The following MYH11 variants were observed in gnomAD, a reference collection of about 807,000 sequenced individuals.
The protein encoded by MYH11 is myosin-11.
MYH11 carries 80 observed loss-of-function variants against 246.6 expected under a neutral mutation model. The observed-to-expected ratio is 0.32, with a 90% confidence interval of 0.27 to 0.39. The LOEUF (loss-of-function observed/expected upper bound fraction) is 0.39, where lower values mean the gene tolerates loss of function less well. MYH11 is among the 10% of genes least tolerant of loss of function. The pLI, the probability that MYH11 is intolerant of heterozygous loss-of-function variation, is 1.00. For synonymous variants in MYH11, 1,071 were observed against 1,015.5 expected (o/e 1.05, Z -1.04); for missense variants, 2,158 against 2,546.8 (o/e 0.85, Z 3.29).
chr16:15,747,791 C>G, intron 18 of MYH11, 61 bp from the exon 19 acceptor site: 1 of 1,612,794 alleles, frequency 6.2e-7, no homozygotes, highest in Non-Finnish European at 8.5e-7. Flanking sequence ...CCAGTGATGA[C>G]ATGGGTAAGA....
rs775577319 is a variant in MYH11, at chr16:15,778,817, G to A, written c.753C>T (p.Asp251=). Residue 251 remains aspartate (D), a synonymous_variant, in exon 7 of 41, where the codon GAC becomes GAT. Coordinates refer to ENST00000300036, the MANE Select transcript of MYH11 (RefSeq NM_002474.3). ...RFGKFIRINF[D]VTGYIVGANI... ...TGGCTCCCACGATGTAACCCGTGAC[G>A]TCGAAGTTGATGCGGATGAATTTGC... 5.0e-6 allele frequency: 8 copies of A among 1,613,990 alleles called. 1 individual carries two copies. The highest frequency in any genetic ancestry group is 4.5e-5 in the East Asian group (2 of 44,870).
chr16:15,801,499 A>T lies in MYH11; in HGVS notation c.503-2812T>A, dbSNP rs749348851. Among the ~76,000 whole-genome samples the T allele has an allele frequency of 3.3e-4, 50 of 150,394 alleles. 1 individual carries two copies. Among genetic ancestry groups the T allele is most frequent in the African/African-American group, 9.9e-4 (40 of 40,246 alleles). On this transcript the variant is annotated intron_variant, in intron 3 of 40. Transcript: ENST00000300036. ...AGCAAGACCCAGTCTCTACAAAAAA[A>T]AATTTTTTTTTAATTAGCTATGTGT...
intron 31 of MYH11, 108 bp from the exon 32 acceptor site, chr16:15,721,742 G>A: frequency 2.6e-6 from 3 of 1,157,450 alleles, no homozygotes; most frequent in Non-Finnish European, 2.6e-6. Context: ...TTGAGGTGCA[G>A]GTGTAAGCAG....
At chr16:15,714,014 G>A (rs2039972674) in intron 40 of MYH11, 1 of 152,336 alleles carries the variant, frequency 6.6e-6, no homozygotes, top group Non-Finnish European at 1.5e-5. Flanking sequence ...GCTCCTAGGA[G>A]TACTGGTTGG....
intron 4 of MYH11, 126 bp downstream of exon 4, chr16:15,798,534 T>C: frequency 9.9e-7 from 1 of 1,006,408 alleles, no homozygotes. Context: ...GAGAGGCACT[T>C]GGAACCATGA....
chr16:15,812,549 TCTAAA>T (rs1815130050), intron 3 of MYH11, among the ~76,000 whole-genome samples: 2 of 57,866 alleles, frequency 3.5e-5, no homozygotes, highest in Admixed American at 2.6e-4. Flanking sequence ...AGATCTTATC[TCTAAA>T]AAAAAAAAAA....
intron 29 of MYH11, 29 bp from the exon 30 acceptor site, chr16:15,724,828 G>A (rs748989704): frequency 2.0e-5 from 32 of 1,613,534 alleles, no homozygotes; most frequent in Non-Finnish European, 2.6e-5. Context: ...GAGGTCCCAG[G>A]GACCTGCCCC....
chr16:15,827,627 C>T (rs942730666), intron 2 of MYH11, among the ~76,000 whole-genome samples: 1 of 152,136 alleles, frequency 6.6e-6, no homozygotes, highest in African/African-American at 2.4e-5. Context: ...GCCTTGAGTC[C>T]GGGGAACCCC....
chr16:15,823,506 C>A, intron 2 of MYH11, 95 bp from the exon 3 acceptor site: 1 of 1,512,906 alleles, frequency 6.6e-7, no homozygotes, highest in African/African-American at 1.4e-5. Context: ...GATGGGGAAA[C>A]TGGAGCTTGG....
rs112564682 is a variant in MYH11, at chr16:15,718,333, G to A, written c.5277C>T (p.Val1759=). The change falls in exon 37 of 41, where the codon GTC becomes GTT. Residue 1759 remains valine (V), a synonymous_variant. Coordinates refer to ENST00000300036, the MANE Select transcript of MYH11 (RefSeq NM_002474.3). Reference sequence around the variant, plus strand: ...CCCTCACCTGCTGTGTGGCTTTGCGGACCCGGTCGCTCATGGCCTCCATGT... The same window carrying A: ...CCCTCACCTGCTGTGTGGCTTTGCGAACCCGGTCGCTCATGGCCTCCATGT... ...QGNMEAMSDR[V]RKATQQAEQL... is the part of the protein sequence containing the mutation. 173 of 1,609,040 alleles carry A rather than the reference G, an allele frequency of 1.1e-4. No individual in the cohort carries two copies. Among genetic ancestry groups the A allele is most frequent in the Non-Finnish European group, 1.4e-4 (164 of 1,179,964 alleles).
At chr16:15,748,246 A>G (rs1355393770) in intron 16 of MYH11, 78 bp from the exon 17 acceptor site, 2 of 1,597,938 alleles carry the variant, frequency 1.3e-6, no homozygotes, top group Non-Finnish European at 1.7e-6. Flanking sequence ...TCCTACCTGG[A>G]TGACCCACCT....
rs2040696923 is a variant in MYH11, at chr16:15,725,228, ACT to A, written c.3859-238_3859-237del. On this transcript the variant is annotated intron_variant, in intron 28 of 40. Coordinates refer to ENST00000300036, the MANE Select transcript of MYH11 (RefSeq NM_002474.3). ...CTATGAGTTGGGACCCTGGCCCTAG[ACT>A]CTGTGGTTCTAAGAACTTATTTGAG... 1.7e-5 allele frequency: 10 copies of A among 604,648 alleles called. No individual in the cohort carries two copies. The South Asian group carries it at 2.0e-4, about 12-fold the overall frequency. The allele number at this position is 604,648 out of a possible 1,614,324, so 37.5% of individuals were successfully genotyped here.
intron 15 of MYH11, among the ~76,000 whole-genome samples, chr16:15,751,714 G>T (rs1324498770): frequency 1.3e-5 from 2 of 151,074 alleles, no homozygotes; most frequent in East Asian, 2.0e-4. Context: ...CCAGGTTCAG[G>T]TGATTCTCCT....
At chr16:15,764,037 T>C (rs1189597499) in intron 9 of MYH11, 146 bp from the exon 10 acceptor site, 7 of 718,734 alleles carry the variant, frequency 9.7e-6, no homozygotes, top group Non-Finnish European at 1.5e-5. Context: ...TATTTTCATA[T>C]GGTTGCTTAA....
At chr16:15,717,089 G>A in intron 38 of MYH11, 51 bp downstream of exon 38, 1 of 1,583,492 alleles carries the variant, frequency 6.3e-7, no homozygotes, top group Non-Finnish European at 8.7e-7. Context: ...TATGACTCCT[G>A]CTGTCCATCA....
intron 2 of MYH11, among the ~76,000 whole-genome samples, chr16:15,825,198 G>A (rs1269434941): frequency 1.3e-5 from 2 of 152,112 alleles, no homozygotes; most frequent in African/African-American, 2.4e-5. Context: ...AGGCTGGAAA[G>A]AGGTGGGAAA....
At chr16:15,752,698 G>C (rs2041603723) in intron 15 of MYH11, among the ~76,000 whole-genome samples, 1 of 152,194 alleles carries the variant, frequency 6.6e-6, no homozygotes, top group Admixed American at 6.5e-5. Context: ...GGCCAACATG[G>C]GGGAACCCCG....
Position 15,747,952 on chromosome 16 carries a change from A to G in MYH11, c.2181-9T>C. On this transcript the variant is annotated splice_polypyrimidine_tract_variant and intron_variant, in intron 17 of 40. Coordinates refer to ENST00000300036, the MANE Select transcript of MYH11 (RefSeq NM_002474.3). The stretch of plus-strand genomic sequence containing the variant: ...CCGCCAGGATCTCGTAGCTTGAAAC[A>G]CAGAGCAGAAGTCACCCCGGGTACC... The G allele has an allele frequency of 1.9e-6, 3 of 1,614,056 alleles. No homozygotes were observed. The highest frequency in any genetic ancestry group is 2.5e-6 in the Non-Finnish European group (3 of 1,179,996).
chr16:15,756,455 C>G lies in MYH11; in HGVS notation c.1635G>C (p.Thr545=), dbSNP rs773802963. The change falls in exon 14 of 41, where the codon ACG becomes ACC. Residue 545 remains threonine (T), a synonymous_variant. Coordinates refer to ENST00000300036, the MANE Select transcript of MYH11 (RefSeq NM_002474.3). ...ACAGCTTCTCCACGAAAGACTTGTC[C>G]GTGGCTTTGGGGAACCAGCATTCCT... ...LDEECWFPKA[T]DKSFVEKLCT... 80 of 1,614,064 alleles carry G rather than the reference C, an allele frequency of 5.0e-5. No homozygotes were observed. The South Asian group carries it at 8.6e-4, about 17-fold the overall frequency.
Sources: gnomAD v4.1 joint callset for allele counts (sites outside exome capture counted in the v4.1 genomes callset) on GRCh38, gnomAD v4.1.1 for gene constraint, MANE v1.5 for transcripts, NCBI Gene and HGNC (gene_info 2026-07-23, HGNC 2026-07-21) for gene names.